The following SIGMAR1 variants were observed in gnomAD, a reference collection of about 807,000 sequenced individuals.
SIGMAR1 encodes the protein sigma non-opioid intracellular receptor 1, also known as SR31747 binding protein 1.
SIGMAR1 carries 18 observed loss-of-function variants against 25.4 expected under a neutral mutation model. That is an observed-to-expected ratio of 0.71 (90% CI 0.49 to 1.05). The LOEUF is 1.05. SIGMAR1 is among the 50% of genes least tolerant of loss of function. The pLI is 0.00. For missense variants in SIGMAR1, 249 were observed against 301.6 expected, an observed-to-expected ratio of 0.83 and a Z score of 1.29; for synonymous variants, 125 against 131.6, an observed-to-expected ratio of 0.95 and a Z score of 0.34.
At position 34,637,787 on chromosome 9, in the gene SIGMAR1, C is replaced by T. The variant is rs916212439; in HGVS notation, c.-90G>A. The T allele has an allele frequency of 1.0e-6, 1 of 985,614 alleles. No individual in the cohort carries two copies. The highest frequency in any genetic ancestry group is 1.4e-6 in the Non-Finnish European group (1 of 726,500). 61.1% of individuals were successfully genotyped at this position (985,614 alleles called of 1,614,324 possible). A position where few individuals can be genotyped will look rare whatever the true frequency, so the allele number is the denominator to read the frequency against. On this transcript the variant is annotated 5_prime_UTR_variant, in exon 1 of 4. In the 5' UTR this introduces an upstream ATG that the reference lacks. Transcript: ENST00000277010. ...GGCCTCGGAGCCCGCCGGCTGCCCA[C>T]GAAGCGCTCCCCCGCCACCGCCGTG...
intron 3 of SIGMAR1, chr9:34,636,675 T>G: frequency 2.2e-6 from 1 of 444,906 alleles, no homozygotes; most frequent in Non-Finnish European, 4.2e-6. Context: ...TGTCTTGTCT[T>G]TTGGGGTATT....
Position 34,637,602 on chromosome 9 carries a change from C to T in SIGMAR1, c.96G>A (p.Thr32=), listed in dbSNP as rs1480862235. 9 of 1,558,508 alleles carry T rather than the reference C, an allele frequency of 5.8e-6. No homozygotes were observed. The highest frequency in any genetic ancestry group is 6.9e-6 in the Non-Finnish European group (8 of 1,156,882). The change falls in exon 1 of 4, where the codon ACG becomes ACA. Residue 32 remains threonine (T), a synonymous_variant. Transcript: ENST00000277010. ...CTTCGCGCTGGAAGACGAAGCTCTG[C>T]GTACCCAGCCAGAGCCAGACGACCT... ...LTQVVWLWLG[T]QSFVFQREEI...
rs1243446467 is a variant in SIGMAR1 at position 34,637,539 on chromosome 9, C to T, written c.151+8G>A. ...GGCCGCTCCCCTCCCTGCCCTCTGC[C>T]CGCTCACCAGCGTACTGCCGCGCCA... On this transcript the variant is annotated splice_region_variant and intron_variant, in intron 1 of 3. Transcript: ENST00000277010. 6.3e-7 allele frequency: 1 copy of T among 1,585,466 alleles called. No individual in the cohort carries two copies. The highest frequency in any genetic ancestry group is 8.5e-7 in the Non-Finnish European group (1 of 1,170,418).
At position 34,636,847 on chromosome 9, in the gene SIGMAR1, A is replaced by G. The variant is rs1478095274; in HGVS notation, c.445+150T>C. 5.6e-6 allele frequency: 4 copies of G among 710,936 alleles called. No individual in the cohort carries two copies. The East Asian group carries it at 1.1e-4, about 19-fold the overall frequency. The allele number at this position is 710,936 out of a possible 1,614,324, so 44.0% of individuals were successfully genotyped here. A position where few individuals can be genotyped will look rare whatever the true frequency, so the allele number is the denominator to read the frequency against. On this transcript the variant is annotated intron_variant, in intron 3 of 3. Coordinates refer to ENST00000277010, the MANE Select transcript of SIGMAR1 (RefSeq NM_005866.4). ...GCAAGAGTCCCTCAGCTCTGCCCCA[A>G]CCAATCACCTGTGGCTTATGGGAGG...
rs1820819039 is a variant in SIGMAR1 at position 34,635,624 on chromosome 9, C to T, written c.*8G>A. 6.2e-6 allele frequency: 10 copies of T among 1,614,094 alleles called. No homozygotes were observed. Among genetic ancestry groups the T allele is most frequent in the Non-Finnish European group, 8.5e-6 (10 of 1,179,944 alleles). On this transcript the variant is annotated 3_prime_UTR_variant, in exon 4 of 4. Transcript: ENST00000277010. The surrounding 1 kb of genome is among the most constrained non-coding windows in gnomAD (Gnocchi z 4.5). ...TCTATCCGCAGGTCTTCCTTCAGGC[C>T]TGGCTGGTCAAGGGTCCTGGCCAAA...
intron 2 of SIGMAR1, 46 bp downstream of exon 2, chr9:34,637,174 C>A (rs372384192): frequency 3.2e-6 from 5 of 1,566,334 alleles, no homozygotes; most frequent in Non-Finnish European, 4.3e-6. Context: ...GGCATGGGCC[C>A]CTTTACAACC....
Position 34,637,595 on chromosome 9 carries a change from A to G in SIGMAR1, c.103T>C (p.Phe35Leu). ...VVWLWLGTQS[F>L]VFQREEIAQL... The stretch of plus-strand genomic sequence containing the variant: ...GCTATCTCTTCGCGCTGGAAGACGA[A>G]GCTCTGCGTACCCAGCCAGAGCCAG... The change falls in exon 1 of 4, where the codon TTC (phenylalanine) becomes CTC (leucine). Residue 35 changes from phenylalanine (F) to leucine (L), a missense_variant. By Grantham distance (22) the Phe-to-Leu change is conservative. Transcript: ENST00000277010. 6.4e-7 allele frequency: 1 copy of G among 1,563,876 alleles called. No homozygotes were observed. The highest frequency in any genetic ancestry group is 1.4e-5 in the African/African-American group (1 of 73,888).
rs764614552 is a variant in SIGMAR1, at chr9:34,636,318, TAAAA to T, written c.446-464_446-461del. 3.0e-3 allele frequency among the ~76,000 whole-genome samples: 354 copies of T among 119,732 alleles called. 2 individuals carry two copies. Among genetic ancestry groups the T allele is most frequent in the African/African-American group, 0.01 (323 of 32,258 alleles). 78.5% of individuals were successfully genotyped at this position (119,732 alleles called of 152,430 possible). A position where few individuals can be genotyped will look rare whatever the true frequency, so the allele number is the denominator to read the frequency against. On this transcript the variant is annotated intron_variant, in intron 3 of 3. Transcript: ENST00000277010. ...TTTCTTAAGTAAATTGTTTCACTAT[TAAAA>T]AAAAAAAAAAAAAAAAAAGGCAGGG...
At chr9:34,636,318 T>TAAA (rs764614552) in intron 3 of SIGMAR1, among the ~76,000 whole-genome samples, 2 of 119,756 alleles carry the variant, frequency 1.7e-5, no homozygotes, top group Non-Finnish European at 3.5e-5. Context: ...GTTTCACTAT[T>TAAA]AAAAAAAAAA....
Position 34,637,682 on chromosome 9 carries a change from C to G in SIGMAR1, c.16G>C (p.Gly6Arg). The G allele has an allele frequency of 6.5e-7, 1 of 1,531,254 alleles. No homozygotes were observed. Among genetic ancestry groups the G allele is most frequent in the Non-Finnish European group, 8.7e-7 (1 of 1,144,168 alleles). 94.9% of individuals were successfully genotyped at this position (1,531,254 alleles called of 1,614,324 possible). A position where few individuals can be genotyped will look rare whatever the true frequency, so the allele number is the denominator to read the frequency against. The change falls in exon 1 of 4, where the codon GGC becomes CGC. Residue 6 changes from glycine (G) to arginine (R), a missense_variant. Physicochemically the swap from Gly to Arg is moderately radical, Grantham distance 125 (BLOSUM62 -2). Coordinates refer to ENST00000277010, the MANE Select transcript of SIGMAR1 (RefSeq NM_005866.4). MQWAV[G>R]RRWAWAALLL... ...AGCGCGGCCCACGCCCACCGCCGGC[C>G]CACGGCCCACTGCATCCCGGCGGGC...
rs1820774108 is a variant in SIGMAR1, at chr9:34,634,738, A to G, written c.*894T>C. ...ACAAAAAGATGGAACAGATCAACAA[A>G]TCTTTATTAATAGAAACAGACAGAT... On this transcript the variant is annotated 3_prime_UTR_variant, in exon 4 of 4. Coordinates refer to ENST00000277010, the MANE Select transcript of SIGMAR1 (RefSeq NM_005866.4). 1 of 152,298 alleles carries G rather than the reference A, an allele frequency of 6.6e-6. No homozygotes were observed. The highest frequency in any genetic ancestry group is 2.4e-5 in the African/African-American group (1 of 41,418). 9.4% of individuals were successfully genotyped at this position (152,298 alleles called of 1,614,324 possible).
rs1431720606 is a variant in SIGMAR1, at chr9:34,635,231, G to A, written c.*401C>T. ...TGCTGGGTTGAGGAGTCAGACTGAG[G>A]CAGTATAATACCCTCCCCCATCCTT... On this transcript the variant is annotated 3_prime_UTR_variant, in exon 4 of 4. Coordinates refer to ENST00000277010, the MANE Select transcript of SIGMAR1 (RefSeq NM_005866.4). This position sits in a 1 kb window ranked among gnomAD's most constrained non-coding sequence, Gnocchi z 4.5. 3 of 308,280 alleles carry A rather than the reference G, an allele frequency of 9.7e-6. No homozygotes were observed. Among genetic ancestry groups the A allele is most frequent in the South Asian group, 2.9e-5 (1 of 34,462 alleles). The allele number at this position is 308,280 out of a possible 1,614,324, so 19.1% of individuals were successfully genotyped here.
Position 34,637,024 on chromosome 9 carries a change from T to A in SIGMAR1, c.418A>T (p.Thr140Ser). 1 of 1,614,178 alleles carries A rather than the reference T, an allele frequency of 6.2e-7. No homozygotes were observed. The highest frequency in any genetic ancestry group is 8.5e-7 in the Non-Finnish European group (1 of 1,180,032). Residue 140 changes from threonine (T) to serine (S), a missense_variant, in exon 3 of 4, where the codon ACC (threonine) becomes TCC (serine). By Grantham distance (58) the Thr-to-Ser change is moderately conservative (BLOSUM62 1). Transcript: ENST00000277010. ...GGGTAGAAGACCTCACTTTTGGTGG[T>A]GCCCTCTCTCCACTGGTGGAAGGTG... Reference protein sequence around the residue: ...SGTFHQWREGTTKSEVFYPGE... With the variant: ...SGTFHQWREGSTKSEVFYPGE...
chr9:34,636,504 G>C (rs1448674472), intron 3 of SIGMAR1, among the ~76,000 whole-genome samples: 2 of 152,130 alleles, frequency 1.3e-5, no homozygotes, highest in African/African-American at 4.8e-5. Context: ...GCGTGGTGGC[G>C]GGCGCCTGTA....
chr9:34,636,352 G>C (rs1402883145), intron 3 of SIGMAR1, among the ~76,000 whole-genome samples: 1 of 150,630 alleles, frequency 6.6e-6, no homozygotes, highest in Non-Finnish European at 1.5e-5. Flanking sequence ...GCAGGGGAGC[G>C]GCCGGGCGCG....
chr9:34,635,314 G>A lies in SIGMAR1; in HGVS notation c.*318C>T. On this transcript the variant is annotated 3_prime_UTR_variant, in exon 4 of 4. Transcript: ENST00000277010. This position sits in a 1 kb window ranked among gnomAD's most constrained non-coding sequence, Gnocchi z 4.5. ...TGGGAAGCTGTGGAGCTATGGAAAG[G>A]CCTCAGTTAGTGAGTCAAGCTGTGA... 1 of 407,468 alleles carries A rather than the reference G, an allele frequency of 2.5e-6. No homozygotes were observed. Among genetic ancestry groups the A allele is most frequent in the Non-Finnish European group, 4.6e-6 (1 of 215,214 alleles). The allele number at this position is 407,468 out of a possible 1,614,324, so 25.2% of individuals were successfully genotyped here.
rs764002616 is a variant in SIGMAR1, at chr9:34,637,626, C to G, written c.72G>C (p.Gln24His). 6.0e-5 allele frequency: 93 copies of G among 1,543,452 alleles called. No homozygotes were observed. The South Asian group carries it at 1.1e-3, about 18-fold the overall frequency. ...LLLAVAAVLT[Q>H]VVWLWLGTQS... ...GCGTACCCAGCCAGAGCCAGACGAC[C>G]TGGGTCAGCACCGCTGCGACAGCCA... Residue 24 changes from glutamine (Q) to histidine (H), a missense_variant, in exon 1 of 4, where the codon CAG (glutamine) becomes CAC (histidine). Physicochemically the swap from Gln to His is conservative, Grantham distance 24. Coordinates refer to ENST00000277010, the MANE Select transcript of SIGMAR1 (RefSeq NM_005866.4).
chr9:34,636,698 G>A, intron 3 of SIGMAR1: 1 of 507,100 alleles, frequency 2.0e-6, no homozygotes, highest in Non-Finnish European at 3.6e-6. Context: ...GAGCATTTCT[G>A]ATTACCCATT....
At position 34,637,635 on chromosome 9, in the gene SIGMAR1, C is replaced by T. The variant is rs1296796805; in HGVS notation, c.63G>A (p.Val21=). 6.5e-6 allele frequency: 10 copies of T among 1,539,780 alleles called. No individual in the cohort carries two copies. The Middle Eastern group carries it at 6.9e-4, about 106-fold the overall frequency. The change falls in exon 1 of 4, where the codon GTG becomes GTA. Residue 21 remains valine, a synonymous_variant. Coordinates refer to ENST00000277010, the MANE Select transcript of SIGMAR1 (RefSeq NM_005866.4). ...WAALLLAVAA[V]LTQVVWLWLG... is the part of the protein sequence containing the mutation. ...GCCAGAGCCAGACGACCTGGGTCAG[C>T]ACCGCTGCGACAGCCAGGAGCAGCG...
Sources: gnomAD v4.1 joint callset for allele counts (sites outside exome capture counted in the v4.1 genomes callset) on GRCh38, gnomAD v4.1.1 for gene constraint, Gnocchi (gnomAD v3.1) non-coding constraint, MANE v1.5 for transcripts, NCBI Gene and HGNC (gene_info 2026-07-23, HGNC 2026-07-21) for gene names.